GRM5: variants seen among roughly 807,000 people sequenced by gnomAD.
GRM5 encodes metabotropic glutamate receptor 5.
GRM5 carries 19 observed loss-of-function variants against 83.1 expected under a neutral mutation model. The observed-to-expected ratio is 0.23, with a 90% CI of 0.16 to 0.34. GRM5 has a LOEUF of 0.34. Ranked by LOEUF, GRM5 falls within the 10% of genes least tolerant of loss-of-function variation. GRM5 has a pLI of 1.00. For missense variants in GRM5, 1,160 were observed against 1,588.3 expected (o/e 0.73, Z 4.58); for synonymous variants, 675 against 633.6 (o/e 1.07, Z -0.98).
At chr11:88,700,655 G>A (rs768731647) in intron 3 of GRM5, among the ~76,000 whole-genome samples, 1 of 152,148 alleles carries the variant, frequency 6.6e-6, no homozygotes, top group East Asian at 1.9e-4. Context: ...GCAGCTCATA[G>A]AGTAATCTAC....
rs1053153187 is a variant in GRM5, at chr11:88,998,061, G to A, written c.661+49151C>T. Among the ~76,000 whole-genome samples the A allele has an allele frequency of 2.6e-5, 4 of 151,214 alleles. 1 individual carries two copies. ...CAGGAGAAGAAAAATATGAGAGGCG[G>A]AGAGAGAAGAAAAATAGTAAAGAGA... On this transcript the variant is annotated intron_variant, in intron 2 of 9. Coordinates refer to ENST00000305447, the MANE Select transcript of GRM5 (RefSeq NM_001143831.3).
chr11:88,654,225 G>T (rs1418247096), intron 3 of GRM5, among the ~76,000 whole-genome samples: 1 of 152,084 alleles, frequency 6.6e-6, no homozygotes, highest in Non-Finnish European at 1.5e-5. Flanking sequence ...ATAATATAAT[G>T]CTAGAGGAGA....
intron 2 of GRM5, among the ~76,000 whole-genome samples, chr11:89,005,849 A>G (rs1565331884): frequency 6.6e-6 from 1 of 152,178 alleles, no homozygotes; most frequent in African/African-American, 2.4e-5. Context: ...CTCACCTACC[A>G]TATTGTTGTC....
chr11:88,653,915 T>A (rs2135307583), intron 3 of GRM5, among the ~76,000 whole-genome samples: 1 of 152,178 alleles, frequency 6.6e-6, no homozygotes, highest in South Asian at 2.1e-4. Flanking sequence ...ATAATAGGTT[T>A]AAAAAACCGT....
chr11:89,011,680 C>T (rs563637429), intron 2 of GRM5, among the ~76,000 whole-genome samples: 1 of 152,294 alleles, frequency 6.6e-6, no homozygotes, highest in South Asian at 2.1e-4. Flanking sequence ...TTGATCTCTG[C>T]CACCACCACC....
intron 4 of GRM5, among the ~76,000 whole-genome samples, chr11:88,615,915 C>T (rs1049348949): frequency 3.3e-5 from 5 of 152,006 alleles, no homozygotes; most frequent in Non-Finnish European, 5.9e-5. Context: ...AAGATGACAT[C>T]GCACTTTGTG....
intron 3 of GRM5, among the ~76,000 whole-genome samples, chr11:88,790,108 C>A (rs1475012279): frequency 2.0e-5 from 3 of 152,176 alleles, no homozygotes; most frequent in African/African-American, 7.2e-5. Context: ...AGATGATCCA[C>A]CCTCCTCAGC....
intron 2 of GRM5, among the ~76,000 whole-genome samples, chr11:88,991,812 G>A (rs1433240244): frequency 6.6e-6 from 1 of 152,060 alleles, no homozygotes; most frequent in African/African-American, 2.4e-5. Flanking sequence ...CTAGCCATAT[G>A]TAGAAAGCTG....
At chr11:88,986,603 C>T (rs1166831782) in intron 2 of GRM5, among the ~76,000 whole-genome samples, 1 of 148,504 alleles carries the variant, frequency 6.7e-6, no homozygotes, top group Non-Finnish European at 1.5e-5. Context: ...GGTATTAAAC[C>T]CTTCCTAGAT....
At chr11:88,961,607 A>G (rs1705328474) in intron 2 of GRM5, among the ~76,000 whole-genome samples, 1 of 152,178 alleles carries the variant, frequency 6.6e-6, no homozygotes, top group Non-Finnish European at 1.5e-5. Flanking sequence ...GCAAGATATT[A>G]TCACCTTCTC....
chr11:88,894,715 C>A (rs537997085), intron 2 of GRM5, among the ~76,000 whole-genome samples: 1 of 151,980 alleles, frequency 6.6e-6, no homozygotes, highest in East Asian at 1.9e-4. Flanking sequence ...ATCCTATCCC[C>A]AAAGTGAGAG....
chr11:89,025,019 T>G (rs1402917112), intron 2 of GRM5, among the ~76,000 whole-genome samples: 1 of 152,242 alleles, frequency 6.6e-6, no homozygotes, highest in African/African-American at 2.4e-5. Flanking sequence ...ACAATGTTAG[T>G]TAGCAGGAGA....
intron 6 of GRM5, among the ~76,000 whole-genome samples, 171 bp downstream of exon 6, chr11:88,597,013 A>G (rs1220321719): frequency 6.6e-6 from 1 of 152,126 alleles, no homozygotes; most frequent in Non-Finnish European, 1.5e-5. Context: ...AACTAATAAG[A>G]CTATTGTGAG....
At chr11:88,848,773 A>T (rs989998432) in intron 3 of GRM5, among the ~76,000 whole-genome samples, 4 of 152,174 alleles carry the variant, frequency 2.6e-5, no homozygotes, top group Admixed American at 2.0e-4. Context: ...AACAGACATT[A>T]ATCTGCCTGT....
chr11:88,814,799 GA>G (rs1009359218), intron 3 of GRM5, among the ~76,000 whole-genome samples: 20 of 151,586 alleles, frequency 1.3e-4, no homozygotes, highest in African/African-American at 3.6e-4. Flanking sequence ...AACCAATAAT[GA>G]AAAAAAATAA....
rs745444198 is a variant in GRM5 at position 88,984,720 on chromosome 11, G to A, written c.661+62492C>T. 25 of 658,888 alleles carry A rather than the reference G, an allele frequency of 3.8e-5. 1 individual carries two copies. The highest frequency in any genetic ancestry group is 1.7e-4 in the Admixed American group (7 of 41,718). The allele number at this position is 658,888 out of a possible 1,614,324, so 40.8% of individuals were successfully genotyped here. A position where few individuals can be genotyped will look rare whatever the true frequency, so the allele number is the denominator to read the frequency against. ...TTAAAAGTTTATGTAACATTCAAACGGTTTATTAAAGCTATAGGAGAAAGA... is the reference window on the plus strand; with the variant it reads ...TTAAAAGTTTATGTAACATTCAAACAGTTTATTAAAGCTATAGGAGAAAGA... On this transcript the variant is annotated intron_variant, in intron 2 of 9. Transcript: ENST00000305447.
chr11:88,575,090 C>T (rs11020492), intron 7 of GRM5, among the ~76,000 whole-genome samples: 8,129 of 149,230 alleles, frequency 0.054, 674 homozygotes, highest in African/African-American at 0.18. Context: ...TACCTTAGCA[C>T]GAAACAAAAC....
chr11:88,990,876 G>A (rs1202200252), intron 2 of GRM5, among the ~76,000 whole-genome samples: 1 of 151,766 alleles, frequency 6.6e-6, no homozygotes, highest in Non-Finnish European at 1.5e-5. Context: ...AATAATAAGA[G>A]CTATCTATGA....
chr11:88,758,198 G>T (rs991037004), intron 3 of GRM5, among the ~76,000 whole-genome samples: 1 of 152,188 alleles, frequency 6.6e-6, no homozygotes, highest in African/African-American at 2.4e-5. Flanking sequence ...GCAAATCACT[G>T]CACTACCTCT....
Sources: allele counts gnomAD v4.1 joint callset (sites outside exome capture counted in the v4.1 genomes callset), GRCh38; gene constraint gnomAD v4.1.1; transcripts MANE v1.5; gene names NCBI Gene and HGNC (gene_info 2026-07-23, HGNC 2026-07-21).